The following CHCHD3 variants were observed in gnomAD, a reference collection of about 807,000 sequenced individuals.
CHCHD3 encodes the protein MICOS complex subunit MIC19.
A neutral mutation model predicts 38.2 loss-of-function variants in CHCHD3; 20 were observed. The observed-to-expected ratio is 0.52, with a 90% CI of 0.37 to 0.76. The LOEUF is 0.76. Among genes scored for constraint, CHCHD3 ranks in the 30% least tolerant of loss-of-function variants. The pLI is 0.00. For missense variants in CHCHD3, 245 were observed against 279.2 expected, an observed-to-expected ratio of 0.88 and a Z score of 0.87; for synonymous variants, 82 against 100.0, an observed-to-expected ratio of 0.82 and a Z score of 1.07.
At chr7:132,927,897 A>G (rs969257443) in intron 4 of CHCHD3, among the ~76,000 whole-genome samples, 2 of 152,230 alleles carry the variant, frequency 1.3e-5, no homozygotes, top group Non-Finnish European at 2.9e-5. Context: ...TCCTAAAGAC[A>G]TCTTTACCCT....
rs57262694 is a variant in CHCHD3, at chr7:132,824,314, C to CTTTTT, written c.524+14080_524+14084dup. ...AAAAATATTCCCAAGTAGTAGAACT[C>CTTTTT]TTTTTTTTTTTTTTTTTTTTTTGAG... On this transcript the variant is annotated intron_variant, in intron 6 of 7. Coordinates refer to ENST00000262570, the MANE Select transcript of CHCHD3 (RefSeq NM_017812.4). 1.8e-3 allele frequency among the ~76,000 whole-genome samples: 160 copies of CTTTTT among 90,124 alleles called. 7 individuals carry two copies. The highest frequency in any genetic ancestry group is 5.7e-3 in the East Asian group (16 of 2,816). The allele number at this position is 90,124 out of a possible 152,430, so 59.1% of individuals were successfully genotyped here. A position where few individuals can be genotyped will look rare whatever the true frequency, so the allele number is the denominator to read the frequency against.
intron 4 of CHCHD3, among the ~76,000 whole-genome samples, chr7:132,935,872 G>A (rs573199937): frequency 3.9e-5 from 6 of 152,298 alleles, no homozygotes; most frequent in Admixed American, 3.3e-4. Context: ...TTGGCATTTG[G>A]TGAGGAGTTT....
At chr7:132,908,575 C>G (rs1359476812) in intron 4 of CHCHD3, among the ~76,000 whole-genome samples, 3 of 152,044 alleles carry the variant, frequency 2.0e-5, no homozygotes, top group African/African-American at 7.3e-5. Context: ...ACTCTAGACT[C>G]TCCTCTGATA....
chr7:132,916,652 C>T (rs1204639266), intron 4 of CHCHD3, among the ~76,000 whole-genome samples: 1 of 152,194 alleles, frequency 6.6e-6, no homozygotes, highest in Non-Finnish European at 1.5e-5. Flanking sequence ...GGAATCATGG[C>T]TTACTGTGGC....
chr7:132,913,878 G>A (rs1261824336), intron 4 of CHCHD3, among the ~76,000 whole-genome samples: 1 of 152,094 alleles, frequency 6.6e-6, no homozygotes, highest in African/African-American at 2.4e-5. Context: ...CCAGCCAATG[G>A]GTGCTTCGGA....
chr7:132,850,450 G>GTTTTTTTTTTTTTTTTT (rs75016148), intron 5 of CHCHD3, among the ~76,000 whole-genome samples: 1 of 132,970 alleles, frequency 7.5e-6, no homozygotes, highest in Admixed American at 7.6e-5. Flanking sequence ...TTTTTTTTTT[G>GTTTTTTTTTTTTTTTTT]TTTTTTTTTT....
chr7:133,034,750 G>A (rs778106850), intron 2 of CHCHD3: 1 of 1,613,534 alleles, frequency 6.2e-7, no homozygotes, highest in East Asian at 2.2e-5. Context: ...TAGTCCACCT[G>A]CCAATCTGGA....
At chr7:132,927,914 T>C (rs1562910881) in intron 4 of CHCHD3, among the ~76,000 whole-genome samples, 1 of 152,182 alleles carries the variant, frequency 6.6e-6, no homozygotes, top group Non-Finnish European at 1.5e-5. Flanking sequence ...CCCTGAAGGA[T>C]CTCCTAACAT....
At chr7:132,852,742 AAGG>A (rs1184112381) in intron 5 of CHCHD3, among the ~76,000 whole-genome samples, 3 of 152,188 alleles carry the variant, frequency 2.0e-5, no homozygotes, top group Non-Finnish European at 2.9e-5. Flanking sequence ...TCCTGTGAGG[AAGG>A]AGAAGTGTTG....
intron 6 of CHCHD3, among the ~76,000 whole-genome samples, chr7:132,798,437 A>G (rs1412924492): frequency 6.6e-6 from 1 of 152,170 alleles, no homozygotes; most frequent in African/African-American, 2.4e-5. Flanking sequence ...CGTGCTTCAA[A>G]GAGTATAGGC....
At chr7:132,898,554 C>A (rs1453956662) in intron 4 of CHCHD3, among the ~76,000 whole-genome samples, 1 of 152,244 alleles carries the variant, frequency 6.6e-6, no homozygotes, top group Admixed American at 6.5e-5. Context: ...CCAGTGGATC[C>A]CGCACCCAGG....
intron 4 of CHCHD3, among the ~76,000 whole-genome samples, chr7:132,916,913 C>G (rs1026780742): frequency 6.6e-6 from 1 of 152,146 alleles, no homozygotes; most frequent in Non-Finnish European, 1.5e-5. Flanking sequence ...AAATTTATCA[C>G]AGTATGTATG....
chr7:132,885,549 G>C, intron 5 of CHCHD3, 113 bp downstream of exon 5: 1 of 804,300 alleles, frequency 1.2e-6, no homozygotes, highest in Non-Finnish European at 1.9e-6. Flanking sequence ...TTCACTTCCT[G>C]GCCACTTTAC....
chr7:132,989,674 A>T (rs1406456625), intron 3 of CHCHD3, among the ~76,000 whole-genome samples: 1 of 152,168 alleles, frequency 6.6e-6, no homozygotes, highest in Admixed American at 6.5e-5. Flanking sequence ...ATTTTAGTTC[A>T]TAAGTTAATG....
chr7:132,991,735 T>C (rs2117372276), intron 3 of CHCHD3, among the ~76,000 whole-genome samples: 1 of 152,282 alleles, frequency 6.6e-6, no homozygotes, highest in Non-Finnish European at 1.5e-5. Context: ...TTGAAACTCA[T>C]AAAACTCTTA....
At position 132,824,783 on chromosome 7, in the gene CHCHD3, C is replaced by G. The variant is rs1002557458; in HGVS notation, c.524+13616G>C. On this transcript the variant is annotated intron_variant, in intron 6 of 7. Coordinates refer to ENST00000262570, the MANE Select transcript of CHCHD3 (RefSeq NM_017812.4). Reference sequence around the variant, plus strand: ...CATTTTCACTATTCAATGCCCTCTTCATAGCAAGGCCATTCTCCCTCTTCT... The same window carrying G: ...CATTTTCACTATTCAATGCCCTCTTGATAGCAAGGCCATTCTCCCTCTTCT... 3.3e-5 allele frequency among the ~76,000 whole-genome samples: 5 copies of G among 152,310 alleles called. No individual in the cohort carries two copies. In the East Asian group the frequency reaches 7.7e-4, roughly 24 times the overall value.
At chr7:132,842,604 A>C (rs1049386027) in intron 5 of CHCHD3, among the ~76,000 whole-genome samples, 1 of 152,174 alleles carries the variant, frequency 6.6e-6, no homozygotes. Flanking sequence ...CATCTGTAAC[A>C]GTTCCTCAGT....
At chr7:132,923,932 T>C (rs187806176) in intron 4 of CHCHD3, among the ~76,000 whole-genome samples, 1 of 152,214 alleles carries the variant, frequency 6.6e-6, no homozygotes, top group Non-Finnish European at 1.5e-5. Context: ...ATTAGCTCTA[T>C]GCAATAAGTG....
intron 4 of CHCHD3, among the ~76,000 whole-genome samples, chr7:132,906,689 G>A (rs1201365328): frequency 6.6e-6 from 1 of 152,042 alleles, no homozygotes; most frequent in East Asian, 1.9e-4. Context: ...CATGATCAAG[G>A]AAGAGCTGAC....
Sources: allele counts gnomAD v4.1 joint callset (sites outside exome capture counted in the v4.1 genomes callset), GRCh38; gene constraint gnomAD v4.1.1; transcripts MANE v1.5; gene names NCBI Gene and HGNC (gene_info 2026-07-23, HGNC 2026-07-21).